The following SLC7A14 variants were observed in gnomAD, a reference collection of about 807,000 sequenced individuals.
The protein encoded by SLC7A14 is solute carrier family 7 member 14.
A neutral mutation model predicts 60.2 loss-of-function variants in SLC7A14; 37 were observed. The ratio of observed to expected loss-of-function variants is 0.61; its 90% confidence interval spans 0.47 to 0.81. The LOEUF is 0.81. SLC7A14 is among the 30% of genes least tolerant of loss of function. The probability of loss-of-function intolerance (pLI) is 0.00; values close to 1 mark genes in which losing one functional copy is unlikely to be tolerated. For missense variants in SLC7A14, 886 were observed against 982.7 expected, an observed-to-expected ratio of 0.90 and a Z score of 1.32; for synonymous variants, 399 against 395.8, an observed-to-expected ratio of 1.01 and a Z score of -0.10.
intron 2 of SLC7A14, among the ~76,000 whole-genome samples, chr3:170,508,116 G>A (rs930990364): frequency 6.6e-6 from 1 of 152,192 alleles, no homozygotes; most frequent in Non-Finnish European, 1.5e-5. Context: ...ACTGGTAAGG[G>A]ATCATCTCTA....
chr3:170,528,858 C>A (rs1440793345), intron 1 of SLC7A14, among the ~76,000 whole-genome samples: 2 of 152,088 alleles, frequency 1.3e-5, no homozygotes, highest in African/African-American at 4.8e-5. Flanking sequence ...GCTAGAACAA[C>A]TGCTTTGGTT....
At chr3:170,470,338 GTA>G (rs1553864068) in intron 7 of SLC7A14, among the ~76,000 whole-genome samples, 12 of 150,046 alleles carry the variant, frequency 8.0e-5, no homozygotes, top group South Asian at 6.3e-4. Flanking sequence ...GTGTGTGTGT[GTA>G]TGTGTGTGTG....
chr3:170,584,398 C>T (rs994086611), intron 1 of SLC7A14, among the ~76,000 whole-genome samples: 2 of 152,180 alleles, frequency 1.3e-5, no homozygotes, highest in Admixed American at 6.5e-5. Flanking sequence ...AACAGCATCC[C>T]TAACTGCCTT....
intron 4 of SLC7A14, among the ~76,000 whole-genome samples, chr3:170,487,598 A>C (rs946675837): frequency 2.6e-5 from 4 of 152,250 alleles, no homozygotes; most frequent in Admixed American, 1.3e-4. Context: ...CTTCTCAATA[A>C]GACCAAATAT....
At chr3:170,533,616 G>A (rs1713743699) in intron 1 of SLC7A14, among the ~76,000 whole-genome samples, 1 of 152,076 alleles carries the variant, frequency 6.6e-6, no homozygotes, top group Admixed American at 6.6e-5. Context: ...CCATGACAGA[G>A]TGGTAAGGGA....
intron 1 of SLC7A14, among the ~76,000 whole-genome samples, chr3:170,578,291 C>T (rs1715150122): frequency 6.6e-6 from 1 of 152,210 alleles, no homozygotes; most frequent in Non-Finnish European, 1.5e-5. Context: ...ACATCAATTG[C>T]AAAAGCACAA....
At chr3:170,562,565 C>T (rs561998532) in intron 1 of SLC7A14, among the ~76,000 whole-genome samples, 188 of 151,884 alleles carry the variant, frequency 1.2e-3, no homozygotes, top group African/African-American at 4.3e-3. Context: ...GATGGGTGCA[C>T]GAAAATCTCA....
At position 170,509,382 on chromosome 3, in the gene SLC7A14, A is replaced by G. The variant is rs368882840; in HGVS notation, c.305-8037T>C. 5.8e-4 allele frequency among the ~76,000 whole-genome samples: 88 copies of G among 152,336 alleles called. 1 individual carries two copies. The South Asian group carries it at 0.01, about 18-fold the overall frequency. ...CTCCAATTAAAGTTGGGTAGGGAAT[A>G]GAGAACTCCCAAGTCTGCCAAACCA... is the stretch of plus-strand genomic sequence containing the variant. On this transcript the variant is annotated intron_variant, in intron 2 of 7. Coordinates refer to ENST00000231706, the MANE Select transcript of SLC7A14 (RefSeq NM_020949.3).
At chr3:170,474,928 G>A (rs928988437) in intron 7 of SLC7A14, among the ~76,000 whole-genome samples, 36 of 152,286 alleles carry the variant, frequency 2.4e-4, no homozygotes, top group Non-Finnish European at 7.3e-5. Context: ...ATAAAAACCC[G>A]CAGGGAACAG....
At chr3:170,497,999 C>A (rs1339951286) in intron 4 of SLC7A14, among the ~76,000 whole-genome samples, 10 of 152,350 alleles carry the variant, frequency 6.6e-5, no homozygotes, top group Admixed American at 6.5e-5. Flanking sequence ...CTCAGCTGTC[C>A]TCTGACCTCA....
At chr3:170,556,328 C>T (rs765924477) in intron 1 of SLC7A14, among the ~76,000 whole-genome samples, 10 of 152,164 alleles carry the variant, frequency 6.6e-5, no homozygotes, top group Non-Finnish European at 1.0e-4. Context: ...ACTGGGGTCT[C>T]GCTGTCCAGA....
intron 1 of SLC7A14, among the ~76,000 whole-genome samples, chr3:170,579,612 C>T (rs2422042): frequency 0.021 from 3,198 of 152,220 alleles, 109 homozygotes; most frequent in African/African-American, 0.073. Flanking sequence ...CAGTTAAAAC[C>T]GTTAAAGGGA....
At chr3:170,556,646 C>A (rs1316625195) in intron 1 of SLC7A14, among the ~76,000 whole-genome samples, 1 of 152,114 alleles carries the variant, frequency 6.6e-6, no homozygotes, top group Non-Finnish European at 1.5e-5. Flanking sequence ...TTGAGGAGGG[C>A]ACTAATACTC....
chr3:170,579,003 C>T (rs1715169280), intron 1 of SLC7A14, among the ~76,000 whole-genome samples: 1 of 152,184 alleles, frequency 6.6e-6, no homozygotes, highest in Non-Finnish European at 1.5e-5. Context: ...ACCAGTAGTT[C>T]TTTCACCTGG....
Position 170,480,753 on chromosome 3 carries a change from T to C in SLC7A14, c.1529A>G (p.Asn510Ser). The C allele has an allele frequency of 1.9e-6, 3 of 1,614,206 alleles. No homozygotes were observed. The highest frequency in any genetic ancestry group is 1.1e-5 in the South Asian group (1 of 91,088). ...DKSTYNVNHP[N>S]YGTVDMTTGI... is the part of the protein sequence containing the mutation. ...TGTGGTCATGTCCACGGTGCCGTAATTGGGGTGGTTGACGTTGTAGGTTGA... is the reference window on the plus strand; with the variant it reads ...TGTGGTCATGTCCACGGTGCCGTAACTGGGGTGGTTGACGTTGTAGGTTGA... The change falls in exon 7 of 8, where the codon AAT (asparagine) becomes AGT (serine). Residue 510 changes from asparagine (N) to serine (S), a missense_variant. Transcript: ENST00000231706.
rs71176570 is a variant in SLC7A14, at chr3:170,512,654, A to ATTT, written c.305-11312_305-11310dup. The stretch of plus-strand genomic sequence containing the variant: ...TATAGGGCACATGTGTACAATTTGC[A>ATTT]TTTTTTTTTTTTTTTTTTTTTTTTT... On this transcript the variant is annotated intron_variant, in intron 2 of 7. Coordinates refer to ENST00000231706, the MANE Select transcript of SLC7A14 (RefSeq NM_020949.3). Among the ~76,000 whole-genome samples the ATTT allele has an allele frequency of 2.9e-3, 183 of 63,164 alleles. 33 individuals carry two copies. The highest frequency in any genetic ancestry group is 5.7e-3 in the African/African-American group (96 of 16,802). The allele number at this position is 63,164 out of a possible 152,430, so 41.4% of individuals were successfully genotyped here.
chr3:170,524,332 T>C lies in SLC7A14; in HGVS notation c.304+2301A>G, dbSNP rs6805878. Among the ~76,000 whole-genome samples, 3 of 151,868 alleles carry C rather than the reference T, an allele frequency of 2.0e-5. No homozygotes were observed. In the South Asian group the frequency reaches 6.2e-4, roughly 31 times the overall value. On this transcript the variant is annotated intron_variant, in intron 2 of 7. Transcript: ENST00000231706. ...GTGAGCTGGCTCCAGCATAACACAGTCTGGACCAATTTCAGGCTCTCCATG... is the reference window on the plus strand; with the variant it reads ...GTGAGCTGGCTCCAGCATAACACAGCCTGGACCAATTTCAGGCTCTCCATG...
At chr3:170,516,264 G>T (rs1017773280) in intron 2 of SLC7A14, among the ~76,000 whole-genome samples, 1 of 152,194 alleles carries the variant, frequency 6.6e-6, no homozygotes, top group African/African-American at 2.4e-5. Context: ...GCTGACAGGT[G>T]ACAGAAAGAT....
chr3:170,519,311 G>C (rs1394307831), intron 2 of SLC7A14, among the ~76,000 whole-genome samples: 1 of 152,210 alleles, frequency 6.6e-6, no homozygotes, highest in Non-Finnish European at 1.5e-5. Flanking sequence ...GGCAGTGACA[G>C]CCAGCTTTTC....
Sources: gnomAD v4.1 joint callset for allele counts (sites outside exome capture counted in the v4.1 genomes callset) on GRCh38, gnomAD v4.1.1 for gene constraint, MANE v1.5 for transcripts, NCBI Gene and HGNC (gene_info 2026-07-23, HGNC 2026-07-21) for gene names.